The following F13A1 variants were observed in gnomAD, a reference collection of about 807,000 sequenced individuals.
F13A1 encodes the protein coagulation factor XIII A chain.
F13A1 carries 47 observed loss-of-function variants against 80.1 expected under a neutral mutation model. The ratio of observed to expected loss-of-function variants is 0.59; its 90% CI spans 0.46 to 0.75. The LOEUF (loss-of-function observed/expected upper bound fraction) is 0.75. Among genes scored for constraint, F13A1 ranks in the 30% least tolerant of loss-of-function variants. F13A1 has a pLI of 0.00. For synonymous variants in F13A1, 349 were observed against 344.9 expected (o/e 1.01, Z -0.13); for missense variants, 817 against 930.4 (o/e 0.88, Z 1.59).
chr6:6,250,821 C>T lies in F13A1; in HGVS notation c.680G>A (p.Ser227Asn), dbSNP rs1757621165. 2.5e-6 allele frequency: 4 copies of T among 1,608,498 alleles called. No individual in the cohort carries two copies. In the South Asian group the frequency reaches 4.4e-5, roughly 18 times the overall value. Residue 227 changes from serine (S) to asparagine (N), a missense_variant, in exon 5 of 15, where the codon AGC becomes AAC. Transcript: ENST00000264870. This position sits in a 1 kb window ranked among gnomAD's most constrained non-coding sequence, Gnocchi z 4.2. ...TTTTAAGTGGCTCACCTGACCATAG[C>T]TCCAGCTTCTGGTCTTGATGTCATT... ...EVNDIKTRSW[S>N]YGQFEDGILD...
At chr6:6,159,869 C>T (rs1012573201) in intron 13 of F13A1, among the ~76,000 whole-genome samples, 1 of 152,142 alleles carries the variant, frequency 6.6e-6, no homozygotes, top group Non-Finnish European at 1.5e-5. Context: ...TGTGTAAGTG[C>T]TGGTTAGCTC....
intron 14 of F13A1, among the ~76,000 whole-genome samples, chr6:6,148,808 C>T (rs915133025): frequency 4.6e-5 from 7 of 152,130 alleles, no homozygotes; most frequent in African/African-American, 1.7e-4. Flanking sequence ...AGAAATAAAG[C>T]TTCTCTTGTC....
chr6:6,208,751 G>C (rs886544125), intron 8 of F13A1, among the ~76,000 whole-genome samples: 2 of 151,936 alleles, frequency 1.3e-5, no homozygotes, highest in Admixed American at 1.3e-4. Flanking sequence ...TCAATAAGAT[G>C]ATTTTAGTTT....
At chr6:6,165,655 A>C (rs1322542309) in intron 13 of F13A1, among the ~76,000 whole-genome samples, 1 of 152,232 alleles carries the variant, frequency 6.6e-6, no homozygotes, top group Non-Finnish European at 1.5e-5. Context: ...ACAGGCCTGC[A>C]GCAGGGGGTC....
At chr6:6,192,050 T>C (rs1474832315) in intron 10 of F13A1, among the ~76,000 whole-genome samples, 1 of 152,142 alleles carries the variant, frequency 6.6e-6, no homozygotes, top group African/African-American at 2.4e-5. Context: ...GAGTGAAAGA[T>C]AGTGAGGGGA....
chr6:6,314,644 C>T (rs1392957713), intron 2 of F13A1, among the ~76,000 whole-genome samples: 1 of 152,224 alleles, frequency 6.6e-6, no homozygotes, highest in Non-Finnish European at 1.5e-5. Flanking sequence ...GCATAAATCA[C>T]AGTCACAGTC....
In F13A1 at chr6:6,318,522, G is replaced by T. The variant is rs752429659; in HGVS notation, c.130+13C>A. 6.2e-7 allele frequency: 1 copy of T among 1,610,232 alleles called. No homozygotes were observed. Among genetic ancestry groups the T allele is most frequent in the East Asian group, 2.2e-5 (1 of 44,870 alleles). On this transcript the variant is annotated intron_variant, in intron 2 of 14. Transcript: ENST00000264870. ...TGGACCCAGAGTGGTGGGGAAGGGG[G>T]GTATGCTCATACCTTGCAGGTTGAC...
intron 14 of F13A1, among the ~76,000 whole-genome samples, chr6:6,148,179 G>C (rs886992958): frequency 6.6e-6 from 1 of 152,144 alleles, no homozygotes; most frequent in African/African-American, 2.4e-5. Context: ...ATTATTTGAC[G>C]CTCTGGAAGC....
intron 13 of F13A1, among the ~76,000 whole-genome samples, chr6:6,157,329 T>C (rs1412857770): frequency 2.0e-5 from 3 of 152,200 alleles, no homozygotes; most frequent in Non-Finnish European, 2.9e-5. Context: ...GAGTTAGGAA[T>C]CTGGCGGAAG....
intron 8 of F13A1, among the ~76,000 whole-genome samples, chr6:6,208,640 T>A (rs923740993): frequency 6.6e-6 from 1 of 152,066 alleles, no homozygotes; most frequent in Non-Finnish European, 1.5e-5. Flanking sequence ...AAATAGAGAA[T>A]CTCTTTTTTA....
In F13A1 at chr6:6,318,606, G is replaced by C. The variant is rs774246884; in HGVS notation, c.59C>G (p.Ser20Cys). 26 of 1,613,124 alleles carry C rather than the reference G, an allele frequency of 1.6e-5. No homozygotes were observed. The highest frequency in any genetic ancestry group is 1.6e-4 in the Middle Eastern group (1 of 6,084). ...GGGCAGGTCATCTTCCGCTGCATTA[G>C]AGTTATTGGGTGGAACTGCTCTTCT... The part of the protein sequence containing the change: ...GGRRAVPPNN[S>C]NAAEDDLPTV... Residue 20 changes from serine to cysteine, a missense_variant, in exon 2 of 15, where the codon TCT (serine) becomes TGT (cysteine). Transcript: ENST00000264870.
At chr6:6,161,539 TGTGTGTGTGTGTGAGAGA>T (rs1263772403) in intron 13 of F13A1, among the ~76,000 whole-genome samples, 8 of 151,014 alleles carry the variant, frequency 5.3e-5, no homozygotes, top group Non-Finnish European at 1.0e-4. Flanking sequence ...TGTGTGTGTG[TGTGTGTGTGTGTGAGAGA>T]GAGAGAGAGA....
intron 8 of F13A1, among the ~76,000 whole-genome samples, chr6:6,219,210 A>G (rs1485449805): frequency 6.6e-6 from 1 of 151,992 alleles, no homozygotes; most frequent in Admixed American, 6.6e-5. Context: ...GATCCTTGCT[A>G]GGAAATCCAT....
chr6:6,151,832 G>A lies in F13A1; in HGVS notation c.2026C>T (p.Pro676Ser), dbSNP rs1760382890. The A allele has an allele frequency of 1.2e-6, 2 of 1,613,966 alleles. No homozygotes were observed. Among genetic ancestry groups the A allele is most frequent in the Admixed American group, 1.7e-5 (1 of 59,992 alleles). ...VHLDGPGVTR[P>S]MKKMFREIRP... ...GTTTACCGGAACATCTTCTTCATTGGTCTTGTTACTCCAGGACCATCCAGG... is the reference window on the plus strand; with the variant it reads ...GTTTACCGGAACATCTTCTTCATTGATCTTGTTACTCCAGGACCATCCAGG... The change falls in exon 14 of 15, where the codon CCA (proline) becomes TCA (serine). Residue 676 changes from proline (P) to serine (S), a missense_variant. Coordinates refer to ENST00000264870, the MANE Select transcript of F13A1 (RefSeq NM_000129.4).
intron 1 of F13A1, among the ~76,000 whole-genome samples, chr6:6,320,195 C>T (rs1310533505): frequency 6.6e-6 from 1 of 151,884 alleles, no homozygotes; most frequent in Non-Finnish European, 1.5e-5. Context: ...GAGTGGGGAG[C>T]CAAGCCGGCG....
chr6:6,286,882 G>A (rs933057351), intron 3 of F13A1, among the ~76,000 whole-genome samples: 1 of 152,186 alleles, frequency 6.6e-6, no homozygotes, highest in African/African-American at 2.4e-5. Flanking sequence ...TACCTGTCTG[G>A]CTCTGGCTGC....
Position 6,145,477 on chromosome 6 carries a change from G to A in F13A1, c.*142C>T. On this transcript the variant is annotated 3_prime_UTR_variant, in exon 15 of 15. Coordinates refer to ENST00000264870, the MANE Select transcript of F13A1 (RefSeq NM_000129.4). ...GGAAAAGCATGTTTTTGAAATATGT[G>A]GGATCTCCACTCTGGAGCCCTCTGC... 9.8e-7 allele frequency: 1 copy of A among 1,016,168 alleles called. No individual in the cohort carries two copies. The highest frequency in any genetic ancestry group is 1.3e-5 in the South Asian group (1 of 74,642). 62.9% of individuals were successfully genotyped at this position (1,016,168 alleles called of 1,614,324 possible).
intron 8 of F13A1, among the ~76,000 whole-genome samples, chr6:6,207,262 A>G (rs1410136338): frequency 6.6e-6 from 1 of 152,194 alleles, no homozygotes; most frequent in Non-Finnish European, 1.5e-5. Flanking sequence ...GAACACTCCG[A>G]AAGCTCTTTC....
chr6:6,190,810 C>A (rs1197947761), intron 10 of F13A1, among the ~76,000 whole-genome samples: 89 of 152,258 alleles, frequency 5.8e-4, no homozygotes, highest in Non-Finnish European at 4.1e-4. Flanking sequence ...ATGGTGGGCG[C>A]CCCTCCCCCA....
Sources: allele counts gnomAD v4.1 joint callset (sites outside exome capture counted in the v4.1 genomes callset), GRCh38; gene constraint gnomAD v4.1.1; non-coding constraint Gnocchi (gnomAD v3.1); transcripts MANE v1.5; gene names NCBI Gene and HGNC (gene_info 2026-07-23, HGNC 2026-07-21).